POLB: variants seen among roughly 807,000 people sequenced by gnomAD.
The protein encoded by POLB is DNA polymerase beta, also known as 5'-dRP lyase.
A neutral mutation model predicts 52.7 loss-of-function variants in POLB; 37 were observed. The ratio of observed to expected loss-of-function variants is 0.70; its 90% confidence interval spans 0.54 to 0.92. The LOEUF is 0.92. POLB is among the 40% of genes least tolerant of loss of function. The pLI is 0.00. For missense variants in POLB, 313 were observed against 400.8 expected, an observed-to-expected ratio of 0.78 and a Z score of 1.87; for synonymous variants, 138 against 131.3, an observed-to-expected ratio of 1.05 and a Z score of -0.35.
At chr8:42,347,618 T>C in intron 3 of POLB, among the ~76,000 whole-genome samples, 1 of 152,086 alleles carries the variant, frequency 6.6e-6, no homozygotes, top group Non-Finnish European at 1.5e-5. Flanking sequence ...TCTGAATTGC[T>C]TGAGGTCAGT....
chr8:42,338,802 G>A (rs1484082109), intron 1 of POLB, 117 bp downstream of exon 1: 4 of 1,122,468 alleles, frequency 3.6e-6, no homozygotes, highest in East Asian at 2.4e-5. Context: ...GCAGCGGGTC[G>A]TCTTCCGTGG....
At chr8:42,349,310 G>A in intron 4 of POLB, 1 of 395,284 alleles carries the variant, frequency 2.5e-6, no homozygotes. Context: ...AATAGAGTTG[G>A]CTCATCGTTT....
At chr8:42,359,831 G>A (rs368460318) in intron 9 of POLB, among the ~76,000 whole-genome samples, 4 of 151,612 alleles carry the variant, frequency 2.6e-5, no homozygotes, top group East Asian at 3.9e-4. Flanking sequence ...GTTGGTAGGC[G>A]GACAGTGAAA....
chr8:42,361,020 A>G, intron 9 of POLB: 1 of 575,822 alleles, frequency 1.7e-6, no homozygotes, highest in Non-Finnish European at 3.2e-6. Flanking sequence ...GTAGTTACTT[A>G]GGTGCATTTT....
At chr8:42,363,969 C>T (rs779805612) in intron 11 of POLB, among the ~76,000 whole-genome samples, 86 of 150,856 alleles carry the variant, frequency 5.7e-4, no homozygotes, top group Non-Finnish European at 1.1e-3. Flanking sequence ...TCTTGTCACC[C>T]GGGCTGGAGT....
At chr8:42,344,563 A>G (rs1433475260) in intron 2 of POLB, among the ~76,000 whole-genome samples, 1 of 151,766 alleles carries the variant, frequency 6.6e-6, no homozygotes, top group Non-Finnish European at 1.5e-5. Context: ...GGCCAGGCGC[A>G]GTGGCTCACT....
In POLB at chr8:42,354,700, T is replaced by C. The variant is rs535707856; in HGVS notation, c.371-816T>C. Among the ~76,000 whole-genome samples, 16 of 152,122 alleles carry C rather than the reference T, an allele frequency of 1.1e-4. 1 individual carries two copies. In the South Asian group the frequency reaches 2.9e-3, roughly 28 times the overall value. On this transcript the variant is annotated intron_variant, in intron 6 of 13. Transcript: ENST00000265421. ...CTGGGATTACAGGCGCGCACCACCA[T>C]GCCTGGCTAATTTTTGAAGTTTTAG...
At chr8:42,343,814 G>A (rs1822412972) in intron 2 of POLB, among the ~76,000 whole-genome samples, 1 of 152,146 alleles carries the variant, frequency 6.6e-6, no homozygotes, top group African/African-American at 2.4e-5. Flanking sequence ...ATTCTCAAAT[G>A]TGGAGCTTTT....
intron 6 of POLB, among the ~76,000 whole-genome samples, chr8:42,353,322 A>T (rs1207014075): frequency 6.6e-6 from 1 of 151,646 alleles, no homozygotes; most frequent in East Asian, 2.0e-4. Flanking sequence ...TGTGTTAGCC[A>T]GGATGGTCTC....
intron 7 of POLB, among the ~76,000 whole-genome samples, chr8:42,356,249 A>G (rs935081917): frequency 2.0e-5 from 3 of 152,184 alleles, no homozygotes; most frequent in East Asian, 1.9e-4. Flanking sequence ...CTCCCATTCC[A>G]AAATCTTGAG....
intron 3 of POLB, among the ~76,000 whole-genome samples, chr8:42,347,306 G>T (rs1585877621): frequency 1.5e-5 from 2 of 137,740 alleles, no homozygotes; most frequent in Non-Finnish European, 3.2e-5. Context: ...AGTAATTCTA[G>T]AAATTATTCT....
chr8:42,345,033 G>T lies in POLB; in HGVS notation c.186+14G>T. The T allele has an allele frequency of 6.3e-7, 1 of 1,585,276 alleles. No homozygotes were observed. The highest frequency in any genetic ancestry group is 1.1e-5 in the South Asian group (1 of 90,436). On this transcript the variant is annotated intron_variant, in intron 3 of 13. Transcript: ENST00000265421. ...GCTAAGAAATTGGTAAGTTTAGTTAGCATGTTGATCGAAGAGTTCACACGT... is the reference window on the plus strand; with the variant it reads ...GCTAAGAAATTGGTAAGTTTAGTTATCATGTTGATCGAAGAGTTCACACGT...
chr8:42,360,399 C>CT (rs1224188230), intron 9 of POLB, among the ~76,000 whole-genome samples: 1 of 152,096 alleles, frequency 6.6e-6, no homozygotes, highest in African/African-American at 2.4e-5. Context: ...CTCTGTTGTA[C>CT]TTATCAAAAT....
At chr8:42,344,225 T>C (rs536789672) in intron 2 of POLB, among the ~76,000 whole-genome samples, 1 of 151,132 alleles carries the variant, frequency 6.6e-6, no homozygotes, top group East Asian at 1.9e-4. Flanking sequence ...CTAGCTTTCT[T>C]TGGGAGGCTG....
At chr8:42,368,202 C>T (rs1306754852) in intron 11 of POLB, among the ~76,000 whole-genome samples, 1 of 152,258 alleles carries the variant, frequency 6.6e-6, no homozygotes, top group South Asian at 2.1e-4. Context: ...TCTAGACATC[C>T]GCATCCGCAA....
chr8:42,362,531 T>C (rs1823766178), intron 10 of POLB, 81 bp from the exon 11 acceptor site: 6 of 863,886 alleles, frequency 6.9e-6, no homozygotes, highest in Non-Finnish European at 1.2e-5. Context: ...CAAGACTGTG[T>C]CTCTAAAAAT....
At position 42,369,837 on chromosome 8, in the gene POLB, C is replaced by A. The variant is rs1483671196; in HGVS notation, c.774-12C>A. 6.4e-7 allele frequency: 1 copy of A among 1,554,306 alleles called. No homozygotes were observed. On this transcript the variant is annotated splice_polypyrimidine_tract_variant and intron_variant, in intron 12 of 13. Coordinates refer to ENST00000265421, the MANE Select transcript of POLB (RefSeq NM_002690.3). ...ATGGTAAAAAAATGTATCTACTGTC[C>A]ATTTTTTTTAGGTTGATACCCAAAG...
At position 42,355,506 on chromosome 8, in the gene POLB, T is replaced by G; in HGVS notation, c.371-10T>G. The G allele has an allele frequency of 6.6e-7, 1 of 1,508,324 alleles. No homozygotes were observed. The highest frequency in any genetic ancestry group is 2.3e-5 in the East Asian group (1 of 44,366). The allele number at this position is 1,508,324 out of a possible 1,614,324, so 93.4% of individuals were successfully genotyped here. On this transcript the variant is annotated splice_polypyrimidine_tract_variant and intron_variant, in intron 6 of 13. Transcript: ENST00000265421. Reference sequence around the variant, plus strand: ...AATTAACATGTCAACTTTATTTATCTTCTATACAGATCTCAGAAAAAATGA... The same window carrying G: ...AATTAACATGTCAACTTTATTTATCGTCTATACAGATCTCAGAAAAAATGA...
chr8:42,344,532 C>A (rs1822484902), intron 2 of POLB, among the ~76,000 whole-genome samples: 2 of 151,160 alleles, frequency 1.3e-5, no homozygotes, highest in Non-Finnish European at 2.9e-5. Context: ...TTTTTAAGTT[C>A]CATATGGAGG....
Sources: allele counts gnomAD v4.1 joint callset (sites outside exome capture counted in the v4.1 genomes callset), GRCh38; gene constraint gnomAD v4.1.1; transcripts MANE v1.5; gene names NCBI Gene and HGNC (gene_info 2026-07-23, HGNC 2026-07-21).